ATP11B: variants seen among roughly 807,000 people sequenced by gnomAD.
ATP11B encodes the protein ATPase phospholipid transporting 11B (putative), also known as phospholipid-transporting ATPase IF.
ATP11B carries 81 observed loss-of-function variants against 157.8 expected under a neutral mutation model. That is an observed-to-expected ratio of 0.51 (90% CI 0.43 to 0.62). The LOEUF is 0.62. Among genes scored for constraint, ATP11B ranks in the 20% least tolerant of loss-of-function variants. ATP11B has a pLI of 0.00. For missense variants in ATP11B, 1,165 were observed against 1,402.2 expected, an observed-to-expected ratio of 0.83 and a Z score of 2.70; for synonymous variants, 451 against 469.4, an observed-to-expected ratio of 0.96 and a Z score of 0.51.
At chr3:182,896,568 G>T (rs572533786) in intron 25 of ATP11B, 132 bp from the exon 26 acceptor site, 4 of 703,902 alleles carry the variant, frequency 5.7e-6, no homozygotes, top group Non-Finnish European at 1.0e-5. Flanking sequence ...AACTTTATGA[G>T]TATAGTCACC....
intron 12 of ATP11B, among the ~76,000 whole-genome samples, chr3:182,861,877 G>C (rs1229845496): frequency 6.6e-6 from 1 of 151,416 alleles, no homozygotes; most frequent in Non-Finnish European, 1.5e-5. Flanking sequence ...CCAGGAAATC[G>C]AGGCTGCAGT....
chr3:182,851,720 G>A (rs1719993400), intron 10 of ATP11B, among the ~76,000 whole-genome samples: 1 of 152,146 alleles, frequency 6.6e-6, no homozygotes, highest in Non-Finnish European at 1.5e-5. Context: ...ACAGTAAACA[G>A]CAAGAAAGGA....
Position 182,842,919 on chromosome 3 carries a change from G to T in ATP11B, c.704+797G>T, listed in dbSNP as rs141080571. On this transcript the variant is annotated intron_variant, in intron 8 of 29. Coordinates refer to ENST00000323116, the MANE Select transcript of ATP11B (RefSeq NM_014616.3). The stretch of plus-strand genomic sequence containing the variant: ...ATAATTAGTCCAGTCTATCATAGTG[G>T]ATAAGTATCTCTCAGAGTAAGGTCA... Among the ~76,000 whole-genome samples, 128 of 152,296 alleles carry T rather than the reference G, an allele frequency of 8.4e-4. 1 individual carries two copies. Among genetic ancestry groups the T allele is most frequent in the African/African-American group, 2.9e-3 (122 of 41,558 alleles).
At chr3:182,878,523 T>C (rs1328247202) in intron 19 of ATP11B, among the ~76,000 whole-genome samples, 3 of 152,188 alleles carry the variant, frequency 2.0e-5, no homozygotes, top group Non-Finnish European at 4.4e-5. Flanking sequence ...GGGGAAGCAG[T>C]TTAATAAAAT....
chr3:182,868,141 G>A (rs1721386086), intron 15 of ATP11B, among the ~76,000 whole-genome samples: 1 of 151,668 alleles, frequency 6.6e-6, no homozygotes, highest in African/African-American at 2.4e-5. Context: ...AGTTTTATAG[G>A]TTCTTCTCAC....
At chr3:182,829,650 G>A (rs1717979341) in intron 3 of ATP11B, 22 bp from the exon 4 acceptor site, 2 of 1,442,262 alleles carry the variant, frequency 1.4e-6, no homozygotes, top group African/African-American at 1.4e-5. Context: ...ATAATATTCT[G>A]TATTCTTTTT....
At chr3:182,836,867 G>C (rs1477332924) in intron 6 of ATP11B, among the ~76,000 whole-genome samples, 3 of 152,076 alleles carry the variant, frequency 2.0e-5, no homozygotes, top group Non-Finnish European at 4.4e-5. Flanking sequence ...TTCCTTATGT[G>C]CAAATGGCCT....
chr3:182,845,010 T>TTTTTTTA (rs1560081901), intron 8 of ATP11B, among the ~76,000 whole-genome samples: 12 of 68,306 alleles, frequency 1.8e-4, no homozygotes, highest in African/African-American at 4.9e-4. Context: ...TTTTTTATTT[T>TTTTTTTA]TTTTTATTTT....
chr3:182,872,858 C>G (rs1484816468), intron 18 of ATP11B, among the ~76,000 whole-genome samples: 1 of 152,224 alleles, frequency 6.6e-6, no homozygotes, highest in East Asian at 1.9e-4. Flanking sequence ...CTGTCTCCTT[C>G]CGCTTTATGT....
intron 21 of ATP11B, among the ~76,000 whole-genome samples, chr3:182,884,263 A>T (rs187794608): frequency 3.3e-5 from 5 of 152,240 alleles, no homozygotes; most frequent in Non-Finnish European, 4.4e-5. Flanking sequence ...TATTTATTTT[A>T]AATTCATATT....
chr3:182,914,344 TA>T lies in ATP11B; in HGVS notation c.3452+351del, dbSNP rs539240853. The T allele has an allele frequency of 1.1e-3, 1,028 of 978,502 alleles. 8 individuals carry two copies. The African/African-American group carries it at 0.017, about 16-fold the overall frequency. The allele number at this position is 978,502 out of a possible 1,614,324, so 60.6% of individuals were successfully genotyped here. A position where few individuals can be genotyped will look rare whatever the true frequency, so the allele number is the denominator to read the frequency against. On this transcript the variant is annotated intron_variant, in intron 29 of 29. Transcript: ENST00000323116. ...AATTATACATATACTATTTCCTTTT[TA>T]TTTTTTTAAAATTTTTTTGCTTTTT...
rs2108542490 is a variant in ATP11B at position 182,866,363 on chromosome 3, G to A, written c.1539G>A (p.Trp513Ter). Reference protein sequence around the residue: ...VQTDCTGDGPWQSNLAPSQLE... With the variant: ...VQTDCTGDGP Reference sequence around the variant, plus strand: ...CTGACTGCACTGGTGATGGTCCCTGGCAATCCAACCTGGCACCATCGCAGT... The same window carrying A: ...CTGACTGCACTGGTGATGGTCCCTGACAATCCAACCTGGCACCATCGCAGT... Residue 513 changes from tryptophan to a stop codon, truncating the protein, a stop_gained, in exon 14 of 30, where the codon TGG (tryptophan) becomes TGA (stop). Coordinates refer to ENST00000323116, the MANE Select transcript of ATP11B (RefSeq NM_014616.3). LOFTEE classifies it high-confidence loss of function. The A allele has an allele frequency of 6.2e-7, 1 of 1,613,872 alleles. No homozygotes were observed. The highest frequency in any genetic ancestry group is 8.5e-7 in the Non-Finnish European group (1 of 1,179,884).
chr3:182,824,280 A>G (rs1392883636), intron 2 of ATP11B, among the ~76,000 whole-genome samples: 2 of 151,556 alleles, frequency 1.3e-5, no homozygotes, highest in African/African-American at 2.4e-5. Context: ...TTCCCTTTAC[A>G]TTTCCAGCTG....
chr3:182,814,635 C>A (rs950610268), intron 1 of ATP11B, among the ~76,000 whole-genome samples: 1 of 151,890 alleles, frequency 6.6e-6, no homozygotes. Context: ...CAGTGAGACC[C>A]CATATCTACA....
intron 9 of ATP11B, among the ~76,000 whole-genome samples, chr3:182,847,211 C>T (rs1203496034): frequency 7.9e-5 from 12 of 151,948 alleles, no homozygotes; most frequent in African/African-American, 1.9e-4. Context: ...CCACCATGCC[C>T]GGCTAATTTT....
At chr3:182,799,429 A>T (rs1269098229) in intron 1 of ATP11B, among the ~76,000 whole-genome samples, 6 of 151,114 alleles carry the variant, frequency 4.0e-5, no homozygotes, top group Non-Finnish European at 7.4e-5. Context: ...GGCGCCCACC[A>T]CCACGCCCAG....
At chr3:182,820,942 A>G (rs1717301895) in intron 2 of ATP11B, among the ~76,000 whole-genome samples, 1 of 152,188 alleles carries the variant, frequency 6.6e-6, no homozygotes, top group Non-Finnish European at 1.5e-5. Context: ...TTCTCATATC[A>G]TTTAATCCTT....
chr3:182,842,172 G>C (rs751237870), intron 8 of ATP11B, 50 bp downstream of exon 8: 9 of 1,330,676 alleles, frequency 6.8e-6, no homozygotes, highest in Middle Eastern at 3.7e-4. Flanking sequence ...GAACTGTTTG[G>C]GGGAGGGACT....
At chr3:182,799,281 CT>C (rs11349038) in intron 1 of ATP11B, among the ~76,000 whole-genome samples, 14,753 of 146,864 alleles carry the variant, frequency 0.1, 776 homozygotes, top group African/African-American at 0.17. Context: ...TTCTTTCTTT[CT>C]TTTTTTTTTT....
Sources: gnomAD v4.1 joint callset for allele counts (sites outside exome capture counted in the v4.1 genomes callset) on GRCh38, gnomAD v4.1.1 for gene constraint, MANE v1.5 for transcripts, NCBI Gene and HGNC (gene_info 2026-07-23, HGNC 2026-07-21) for gene names.